The following CPTP variants were observed in gnomAD, a reference collection of about 807,000 sequenced individuals.
CPTP encodes ceramide-1-phosphate transfer protein, also known as GLTP domain-containing protein 1.
Under a neutral mutation model 5.7 loss-of-function variants are expected in CPTP, and 5 were observed. That is an observed-to-expected ratio of 0.88 (90% confidence interval 0.46 to 1.86). CPTP has a LOEUF of 1.86. CPTP is among the 40% of genes most tolerant of loss of function. The pLI, the probability that CPTP is intolerant of heterozygous loss-of-function variation, is 0.01. For synonymous variants in CPTP, 166 were observed against 142.7 expected (o/e 1.16, Z -1.16); for missense variants, 335 against 306.5 (o/e 1.09, Z -0.69).
Position 1,327,380 on chromosome 1 carries a change from A to G in CPTP, c.262A>G (p.Ser88Gly). 6.3e-7 allele frequency: 1 copy of G among 1,597,804 alleles called. No individual in the cohort carries two copies. Among genetic ancestry groups the G allele is most frequent in the Admixed American group, 1.7e-5 (1 of 59,764 alleles). Residue 88 changes from serine to glycine, a missense_variant, in exon 3 of 3, where the codon AGC becomes GGC. By Grantham distance (56) the Ser-to-Gly change is moderately conservative (BLOSUM62 0). Transcript: ENST00000343938. ...SLQAMVAHEL[S>G]NRLVDLERRS... is the part of the protein sequence containing the mutation. Reference sequence around the variant, plus strand: ...GCAGGCCATGGTGGCCCACGAGCTGAGCAACCGGCTGGTGGACCTGGAGCG... The same window carrying G: ...GCAGGCCATGGTGGCCCACGAGCTGGGCAACCGGCTGGTGGACCTGGAGCG...
rs1227143884 is a variant in CPTP at position 1,325,022 on chromosome 1, C to T, written c.-156C>T. 5.3e-6 allele frequency: 1 copy of T among 189,216 alleles called. No homozygotes were observed. The highest frequency in any genetic ancestry group is 2.4e-5 in the African/African-American group (1 of 42,494). The allele number at this position is 189,216 out of a possible 1,614,324, so 11.7% of individuals were successfully genotyped here. ...TCCCCAACACCACCCCGGGCCTCCG[C>T]CCCTTCCTGGGCCTCTCGGTGGAGC... On this transcript the variant is annotated 5_prime_UTR_variant, in exon 1 of 3. Transcript: ENST00000343938.
chr1:1,327,366 T>C lies in CPTP; in HGVS notation c.248T>C (p.Val83Ala). The C allele has an allele frequency of 1.3e-6, 2 of 1,598,382 alleles. No homozygotes were observed. Among genetic ancestry groups the C allele is most frequent in the Non-Finnish European group, 1.7e-6 (2 of 1,178,966 alleles). ...SEHYRSLQAMVAHELSNRLVD... is the reference protein window; with the variant it reads ...SEHYRSLQAMAAHELSNRLVD... ...CACTACCGCAGCCTGCAGGCCATGGTGGCCCACGAGCTGAGCAACCGGCTG... is the reference window on the plus strand; with the variant it reads ...CACTACCGCAGCCTGCAGGCCATGGCGGCCCACGAGCTGAGCAACCGGCTG... The change falls in exon 3 of 3, where the codon GTG becomes GCG. Residue 83 changes from valine to alanine, a missense_variant. Coordinates refer to ENST00000343938, the MANE Select transcript of CPTP (RefSeq NM_001029885.2).
At position 1,327,968 on chromosome 1, in the gene CPTP, G is replaced by T. The variant is rs1001777686; in HGVS notation, c.*205G>T. 3.2e-6 allele frequency: 2 copies of T among 632,548 alleles called. No individual in the cohort carries two copies. Among genetic ancestry groups the T allele is most frequent in the Non-Finnish European group, 5.4e-6 (2 of 367,700 alleles). The allele number at this position is 632,548 out of a possible 1,614,324, so 39.2% of individuals were successfully genotyped here. A position where few individuals can be genotyped will look rare whatever the true frequency, so the allele number is the denominator to read the frequency against. On this transcript the variant is annotated 3_prime_UTR_variant, in exon 3 of 3. Transcript: ENST00000343938. ...AGAAGAGGCCCACCCTCTCGGTCCG[G>T]AACAAGACGCCTCGGCCACGGCTCC...
At chr1:1,326,210 G>A (rs758937076) in intron 1 of CPTP, among the ~76,000 whole-genome samples, 5 of 152,252 alleles carry the variant, frequency 3.3e-5, no homozygotes, top group East Asian at 1.9e-4. Context: ...GTGAAAACAC[G>A]TGTCCATCCA....
chr1:1,327,802 G>C lies in CPTP; in HGVS notation c.*39G>C, dbSNP rs774733103. On this transcript the variant is annotated 3_prime_UTR_variant, in exon 3 of 3. Coordinates refer to ENST00000343938, the MANE Select transcript of CPTP (RefSeq NM_001029885.2). ...GGGCCGCACCGGCTTTCCTGCTGCA[G>C]ATCTGGGCTGCGGTGGCCAGGGCCG... 2.3e-5 allele frequency: 37 copies of C among 1,602,394 alleles called. No homozygotes were observed. In the South Asian group the frequency reaches 2.5e-4, roughly 11 times the overall value.
In CPTP at chr1:1,327,852, G is replaced by A; in HGVS notation, c.*89G>A. On this transcript the variant is annotated 3_prime_UTR_variant, in exon 3 of 3. Coordinates refer to ENST00000343938, the MANE Select transcript of CPTP (RefSeq NM_001029885.2). ...GTGAGTCCCGTGGCAGAGCCTTCTG[G>A]GCGCTGCGGGAACAGGAGATCCTCT... 2.1e-6 allele frequency: 3 copies of A among 1,418,526 alleles called. No individual in the cohort carries two copies. Among genetic ancestry groups the A allele is most frequent in the Non-Finnish European group, 2.9e-6 (3 of 1,030,822 alleles). The allele number at this position is 1,418,526 out of a possible 1,614,324, so 87.9% of individuals were successfully genotyped here.
intron 2 of CPTP, 71 bp from the exon 3 acceptor site, chr1:1,327,170 C>T: frequency 6.3e-7 from 1 of 1,584,734 alleles, no homozygotes; most frequent in South Asian, 1.1e-5. Context: ...GCAGGCTGGG[C>T]AGCGTCCCCT....
intron 1 of CPTP, 25 bp from the exon 2 acceptor site, chr1:1,326,811 C>A (rs571561984): frequency 9.5e-5 from 141 of 1,477,322 alleles, no homozygotes; most frequent in Non-Finnish European, 1.3e-4. Flanking sequence ...GGGATCGCAG[C>A]TATTTTGTTC....
intron 2 of CPTP, 72 bp from the exon 3 acceptor site, chr1:1,327,169 G>A (rs1643324959): frequency 1.3e-6 from 2 of 1,585,600 alleles, no homozygotes; most frequent in East Asian, 4.5e-5. Flanking sequence ...CGCAGGCTGG[G>A]CAGCGTCCCC....
chr1:1,327,201 C>G, intron 2 of CPTP, 40 bp from the exon 3 acceptor site: 1 of 1,590,338 alleles, frequency 6.3e-7, no homozygotes, highest in Non-Finnish European at 8.5e-7. Flanking sequence ...CGGGCTGCCC[C>G]AGGCCTGGGC....
intron 1 of CPTP, 65 bp downstream of exon 1, chr1:1,325,167 G>T (rs1239076894): frequency 6.5e-6 from 1 of 152,744 alleles, no homozygotes; most frequent in African/African-American, 2.4e-5. Context: ...GCGCCGTGGG[G>T]CCCCGTCTCC....
intron 1 of CPTP, among the ~76,000 whole-genome samples, chr1:1,326,106 G>A (rs369606148): frequency 9.2e-5 from 14 of 152,256 alleles, no homozygotes; most frequent in South Asian, 2.1e-4. Context: ...TGGGCCACTC[G>A]TGGAAGGCTC....
chr1:1,327,143 G>C (rs1267925509), intron 2 of CPTP, 98 bp from the exon 3 acceptor site: 11 of 1,587,180 alleles, frequency 6.9e-6, no homozygotes, highest in Non-Finnish European at 8.5e-6. Context: ...CCCGTTTCCA[G>C]ATGGGTGTGA....
intron 1 of CPTP, among the ~76,000 whole-genome samples, chr1:1,326,487 C>T (rs1643309515): frequency 1.3e-5 from 2 of 152,170 alleles, no homozygotes; most frequent in Non-Finnish European, 2.9e-5. Context: ...AGTATTTCTC[C>T]AGCTGGTAAA....
At chr1:1,326,806 C>T (rs1001160690) in intron 1 of CPTP, 30 bp from the exon 2 acceptor site, 17 of 1,417,736 alleles carry the variant, frequency 1.2e-5, no homozygotes, top group East Asian at 4.6e-5. Flanking sequence ...GCAATGGGAT[C>T]GCAGCTATTT....
At position 1,327,458 on chromosome 1, in the gene CPTP, G is replaced by T. The variant is rs774591652; in HGVS notation, c.340G>T (p.Ala114Ser). 4 of 1,572,698 alleles carry T rather than the reference G, an allele frequency of 2.5e-6. No individual in the cohort carries two copies. The highest frequency in any genetic ancestry group is 2.6e-6 in the Non-Finnish European group (3 of 1,165,074). The change falls in exon 3 of 3, where the codon GCC becomes TCC. Residue 114 changes from alanine to serine, a missense_variant. Transcript: ENST00000343938. Reference protein sequence around the residue: ...GCRTVLRLHRALHWLQLFLEG... With the variant: ...GCRTVLRLHRSLHWLQLFLEG... ...CCGGACGGTGCTGCGCCTGCACCGC[G>T]CCCTGCACTGGCTGCAGCTGTTCCT...
chr1:1,327,191 C>T lies in CPTP; in HGVS notation c.123-50C>T, dbSNP rs147108733. On this transcript the variant is annotated intron_variant, in intron 2 of 2. Transcript: ENST00000343938. The stretch of plus-strand genomic sequence containing the variant: ...TGGGCAGCGTCCCCTGCACCCCAGG[C>T]GGGCTGCCCCAGGCCTGGGCGAGGA... 1,486 of 1,586,560 alleles carry T rather than the reference C, an allele frequency of 9.4e-4. 14 individuals carry two copies. The African/African-American group carries it at 0.018, about 19-fold the overall frequency.
Position 1,328,550 on chromosome 1 carries a change from C to A in CPTP, c.*787C>A, listed in dbSNP as rs982742142. Reference sequence around the variant, plus strand: ...ACAGCCCAGCCCAGCCCAAGGCCCCCAGGAGCTGGGACTCTGCTACACCCA... The same window carrying A: ...ACAGCCCAGCCCAGCCCAAGGCCCCAAGGAGCTGGGACTCTGCTACACCCA... On this transcript the variant is annotated 3_prime_UTR_variant, in exon 3 of 3. Transcript: ENST00000343938. 1 of 152,858 alleles carries A rather than the reference C, an allele frequency of 6.5e-6. No individual in the cohort carries two copies. Among genetic ancestry groups the A allele is most frequent in the African/African-American group, 2.4e-5 (1 of 41,460 alleles). The allele number at this position is 152,858 out of a possible 1,614,324, so 9.5% of individuals were successfully genotyped here.
rs143006705 is a variant in CPTP, at chr1:1,326,874, C to G, written c.-37C>G. The G allele has an allele frequency of 4.7e-5, 76 of 1,612,218 alleles. No individual in the cohort carries two copies. In the African/African-American group the frequency reaches 9.6e-4, roughly 20 times the overall value. On this transcript the variant is annotated 5_prime_UTR_variant, in exon 2 of 3. Coordinates refer to ENST00000343938, the MANE Select transcript of CPTP (RefSeq NM_001029885.2). Reference sequence around the variant, plus strand: ...GAGCAAGCTGACCCCAGCGACACAGCCCCCCAGCCCTACTGTATTTCCGTT... The same window carrying G: ...GAGCAAGCTGACCCCAGCGACACAGGCCCCCAGCCCTACTGTATTTCCGTT...
Sources: allele counts gnomAD v4.1 joint callset (sites outside exome capture counted in the v4.1 genomes callset), GRCh38; gene constraint gnomAD v4.1.1; transcripts MANE v1.5; gene names NCBI Gene and HGNC (gene_info 2026-07-23, HGNC 2026-07-21).